The following MACROD1 variants were observed in gnomAD, a reference collection of about 807,000 sequenced individuals.
MACROD1 encodes the protein ADP-ribose glycohydrolase MACROD1.
MACROD1 carries 31 observed loss-of-function variants against 41.4 expected under a neutral mutation model. The observed-to-expected ratio is 0.75, with a 90% CI of 0.56 to 1.01. MACROD1 has a LOEUF of 1.01. Ranked by LOEUF, MACROD1 falls within the 50% of genes least tolerant of loss-of-function variation. The pLI, the probability that MACROD1 is intolerant of heterozygous loss-of-function variation, is 0.00. For synonymous variants in MACROD1, 252 were observed against 203.4 expected (o/e 1.24, Z -2.03); for missense variants, 473 against 460.0 (o/e 1.03, Z -0.26).
intron 3 of MACROD1, among the ~76,000 whole-genome samples, chr11:64,094,414 G>C (rs1268283042): frequency 6.7e-6 from 1 of 149,746 alleles, no homozygotes; most frequent in East Asian, 2.0e-4. Context: ...CTGGGCGACA[G>C]AGTGAGACTC....
chr11:64,026,310 CCACT>C (rs1367540385), intron 3 of MACROD1, among the ~76,000 whole-genome samples: 65 of 152,286 alleles, frequency 4.3e-4, no homozygotes, highest in Middle Eastern at 3.4e-3. Flanking sequence ...CAGGTGTGAG[CCACT>C]GCGCTCGGCC....
In MACROD1 at chr11:64,082,354, C is replaced by T. The variant is rs1030471831; in HGVS notation, c.518-67073G>A. Reference sequence around the variant, plus strand: ...TCCGGGGGGACCGTGGAAGGCAGGACGGGGGCCAGGAGCATGGCTGGAGTG... The same window carrying T: ...TCCGGGGGGACCGTGGAAGGCAGGATGGGGGCCAGGAGCATGGCTGGAGTG... On this transcript the variant is annotated intron_variant, in intron 3 of 10. Transcript: ENST00000255681. This position sits in a 1 kb window ranked among gnomAD's most constrained non-coding sequence, Gnocchi z 4.5. Among the ~76,000 whole-genome samples, 6 of 151,494 alleles carry T rather than the reference C, an allele frequency of 4.0e-5. No individual in the cohort carries two copies. Among genetic ancestry groups the T allele is most frequent in the African/African-American group, 1.5e-4 (6 of 41,202 alleles).
intron 3 of MACROD1, among the ~76,000 whole-genome samples, chr11:64,016,622 C>T (rs1435129990): frequency 6.6e-6 from 1 of 152,272 alleles, no homozygotes; most frequent in Non-Finnish European, 1.5e-5. Flanking sequence ...CCAGAGCTGA[C>T]AGCTCTTCGC....
At chr11:64,068,482 A>G (rs1285412371) in intron 3 of MACROD1, among the ~76,000 whole-genome samples, 1 of 152,216 alleles carries the variant, frequency 6.6e-6, no homozygotes, top group African/African-American at 2.4e-5. Context: ...CACAGATTGG[A>G]GCCCTCCACA....
chr11:64,129,457 C>T (rs956529267), intron 3 of MACROD1, among the ~76,000 whole-genome samples: 11 of 152,214 alleles, frequency 7.2e-5, no homozygotes, highest in Non-Finnish European at 8.8e-5. Context: ...TGTGAGAGGG[C>T]GTGGGAGGCC....
intron 4 of MACROD1, among the ~76,000 whole-genome samples, chr11:64,008,315 C>T (rs1942948418): frequency 6.7e-6 from 1 of 148,616 alleles, no homozygotes; most frequent in African/African-American, 2.5e-5. Flanking sequence ...GGCTGGCCCC[C>T]AGGGTCCCAG....
rs779364336 is a variant in MACROD1 at position 64,000,231 on chromosome 11, G to C, written c.660C>G (p.Ala220=). Residue 220 remains alanine, a synonymous_variant, in exon 5 of 11, where the codon GCC becomes GCG. Coordinates refer to ENST00000255681, the MANE Select transcript of MACROD1 (RefSeq NM_014067.4). The part of the protein sequence containing the change: ...AKITGGYRLP[A]KYVIHTVGPI... ...GGGGGCGCGTCGGGGACTCACACTT[G>C]GCCGGGAGCCGATAGCCGCCGGTGA... is the stretch of plus-strand genomic sequence containing the variant. The C allele has an allele frequency of 6.2e-7, 1 of 1,604,192 alleles. No homozygotes were observed. Among genetic ancestry groups the C allele is most frequent in the Non-Finnish European group, 8.5e-7 (1 of 1,176,438 alleles).
intron 3 of MACROD1, among the ~76,000 whole-genome samples, chr11:64,016,005 T>C (rs1943076710): frequency 6.6e-6 from 1 of 152,122 alleles, no homozygotes; most frequent in Non-Finnish European, 1.5e-5. Flanking sequence ...TGAAGGTCAA[T>C]GGAGAGGGGT....
intron 1 of MACROD1, 52 bp downstream of exon 1, chr11:64,165,645 A>G: frequency 7.6e-7 from 1 of 1,322,880 alleles, no homozygotes; most frequent in Non-Finnish European, 9.8e-7. Flanking sequence ...CCAGCCGGGA[A>G]GCTCCACGTG....
At chr11:64,068,038 A>C (rs150541738) in intron 3 of MACROD1, among the ~76,000 whole-genome samples, 3 of 152,382 alleles carry the variant, frequency 2.0e-5, no homozygotes, top group African/African-American at 7.2e-5. Flanking sequence ...GTTATTTAAC[A>C]AATTGCCTCA....
chr11:64,107,505 T>A (rs1218876191), intron 3 of MACROD1, among the ~76,000 whole-genome samples: 1 of 152,048 alleles, frequency 6.6e-6, no homozygotes, highest in African/African-American at 2.4e-5. Context: ...AGCCGGCCTA[T>A]GTGGTTAGGT....
chr11:64,058,957 C>T (rs535984762), intron 3 of MACROD1, among the ~76,000 whole-genome samples: 7 of 152,274 alleles, frequency 4.6e-5, no homozygotes, highest in Admixed American at 3.3e-4. Context: ...CGTGGGAGGG[C>T]TCCATTTCCC....
chr11:64,039,410 C>T (rs1202422953), intron 3 of MACROD1, among the ~76,000 whole-genome samples: 5 of 152,086 alleles, frequency 3.3e-5, no homozygotes, highest in African/African-American at 1.2e-4. Flanking sequence ...TGTTTGAGGT[C>T]GGGTGGTAGC....
chr11:64,126,292 G>A (rs1333694850), intron 3 of MACROD1, among the ~76,000 whole-genome samples: 1 of 152,158 alleles, frequency 6.6e-6, no homozygotes, highest in East Asian at 1.9e-4. Context: ...CCATGGGGAG[G>A]AAGCCACACG....
At chr11:64,143,801 C>CACACACACACACACACACAA (rs762084927) in intron 3 of MACROD1, among the ~76,000 whole-genome samples, 11 of 144,854 alleles carry the variant, frequency 7.6e-5, no homozygotes, top group Admixed American at 1.4e-4. Flanking sequence ...CACACACACA[C>CACACACACACACACACACAA]AATTTCCTGG....
intron 3 of MACROD1, among the ~76,000 whole-genome samples, chr11:64,030,266 C>T (rs1251162491): frequency 6.6e-6 from 1 of 152,096 alleles, no homozygotes; most frequent in African/African-American, 2.4e-5. Context: ...CATCTCCGGG[C>T]AATTCCCAGT....
intron 3 of MACROD1, among the ~76,000 whole-genome samples, chr11:64,047,294 T>TACA: frequency 1.3e-5 from 2 of 152,234 alleles, no homozygotes; most frequent in Non-Finnish European, 2.9e-5. Flanking sequence ...GCTTTCTTTG[T>TACA]ACAACAGCCC....
rs1437319833 is a variant in MACROD1, at chr11:64,000,050, T to TC, written c.664+176dup. ...CTCCATCCTCAGCCTCCACGCACGG[T>TC]CTCCCCCATGTGCTTCCTGGGGTGT... On this transcript the variant is annotated intron_variant, in intron 5 of 10. Transcript: ENST00000255681. 28 of 635,090 alleles carry TC rather than the reference T, an allele frequency of 4.4e-5. 1 individual carries two copies. The highest frequency in any genetic ancestry group is 3.9e-4 in the East Asian group (14 of 36,160). The allele number at this position is 635,090 out of a possible 1,614,324, so 39.3% of individuals were successfully genotyped here.
intron 3 of MACROD1, among the ~76,000 whole-genome samples, chr11:64,126,491 A>AC (rs940698090): frequency 5.9e-5 from 9 of 152,266 alleles, no homozygotes; most frequent in Non-Finnish European, 8.8e-5. Flanking sequence ...AAGAGCCCGT[A>AC]CCCCCTATAA....
Sources: allele counts gnomAD v4.1 joint callset (sites outside exome capture counted in the v4.1 genomes callset), GRCh38; gene constraint gnomAD v4.1.1; non-coding constraint Gnocchi (gnomAD v3.1); transcripts MANE v1.5; gene names NCBI Gene and HGNC (gene_info 2026-07-23, HGNC 2026-07-21).